Variants in FSTL5 observed in about 807,000 individuals in gnomAD.
The protein encoded by FSTL5 is follistatin like 5, also known as follistatin-related protein 5.
A neutral mutation model predicts 89.1 loss-of-function variants in FSTL5; 62 were observed. The observed-to-expected ratio is 0.70, with a 90% CI of 0.57 to 0.86. The LOEUF is 0.86. Ranked by LOEUF, FSTL5 falls within the 40% of genes least tolerant of loss-of-function variation. FSTL5 has a pLI of 0.00. For missense variants in FSTL5, 1,057 were observed against 1,001.6 expected (o/e 1.06, Z -0.75); for synonymous variants, 383 against 346.2 (o/e 1.11, Z -1.18).
At chr4:161,705,497 T>C (rs1175897433) in intron 6 of FSTL5, among the ~76,000 whole-genome samples, 1 of 152,100 alleles carries the variant, frequency 6.6e-6, no homozygotes. Context: ...GTGGCCTCAG[T>C]TCAAATTGGA....
chr4:161,901,523 G>A (rs974638013), intron 4 of FSTL5, among the ~76,000 whole-genome samples: 2 of 152,100 alleles, frequency 1.3e-5, no homozygotes, highest in Admixed American at 1.3e-4. Context: ...TTCGTTTTGG[G>A]TATTAAAATT....
chr4:161,938,152 A>G (rs1364120732), intron 3 of FSTL5, among the ~76,000 whole-genome samples: 2 of 152,080 alleles, frequency 1.3e-5, no homozygotes, highest in Admixed American at 1.3e-4. Context: ...TCTGCATAAC[A>G]CCTAAAAAAT....
At chr4:162,072,934 A>G (rs1492446) in intron 2 of FSTL5, among the ~76,000 whole-genome samples, 91,583 of 151,558 alleles carry the variant, frequency 0.6, 28,280 homozygotes, top group African/African-American at 0.73. Context: ...TCTCCTGCCT[A>G]ACTGCCTTTC....
At chr4:162,132,137 T>A (rs1018585004) in intron 1 of FSTL5, among the ~76,000 whole-genome samples, 2 of 152,220 alleles carry the variant, frequency 1.3e-5, no homozygotes, top group African/African-American at 2.4e-5. Context: ...CTATGCAGCA[T>A]TCTTAAAACA....
chr4:161,656,738 G>C (rs755658231), intron 6 of FSTL5, among the ~76,000 whole-genome samples: 13 of 152,154 alleles, frequency 8.5e-5, no homozygotes, highest in Non-Finnish European at 1.9e-4. Flanking sequence ...ATCAGAAGTA[G>C]AGTTATAATA....
chr4:161,857,400 T>C (rs2126886577), intron 4 of FSTL5, among the ~76,000 whole-genome samples: 1 of 152,328 alleles, frequency 6.6e-6, no homozygotes, highest in African/African-American at 2.4e-5. Flanking sequence ...TTGGAATTAT[T>C]TTTTTCTAAC....
chr4:161,927,340 T>A (rs971824211), intron 3 of FSTL5, among the ~76,000 whole-genome samples: 3 of 151,040 alleles, frequency 2.0e-5, no homozygotes, highest in Non-Finnish European at 4.4e-5. Context: ...AGCAGATAGA[T>A]ATTCTCAAAT....
chr4:161,752,563 T>C (rs1740433564), intron 6 of FSTL5, among the ~76,000 whole-genome samples: 1 of 152,194 alleles, frequency 6.6e-6, no homozygotes, highest in African/African-American at 2.4e-5. Flanking sequence ...AGTTCCTTTC[T>C]GCCAAATCTA....
chr4:162,107,055 T>C (rs948550530), intron 2 of FSTL5, among the ~76,000 whole-genome samples: 1 of 152,194 alleles, frequency 6.6e-6, no homozygotes, highest in Non-Finnish European at 1.5e-5. Flanking sequence ...ACTAGACACA[T>C]GGTCCTAACC....
chr4:162,115,136 G>T (rs1731586842), intron 1 of FSTL5, among the ~76,000 whole-genome samples: 1 of 152,044 alleles, frequency 6.6e-6, no homozygotes, highest in East Asian at 1.9e-4. Flanking sequence ...ACCAGAGAAA[G>T]AACAAAACCT....
chr4:161,723,178 T>C (rs1164404578), intron 6 of FSTL5, among the ~76,000 whole-genome samples: 1 of 152,206 alleles, frequency 6.6e-6, no homozygotes, highest in African/African-American at 2.4e-5. Flanking sequence ...TAAAGAGTTT[T>C]AGCTAAAAGT....
chr4:162,050,805 AAG>A (rs1336379908), intron 2 of FSTL5, among the ~76,000 whole-genome samples: 1 of 151,400 alleles, frequency 6.6e-6, no homozygotes, highest in African/African-American at 2.4e-5. Flanking sequence ...CTTTGATGGG[AAG>A]ATATAAATGT....
chr4:161,569,758 A>AC (rs1732938123), intron 8 of FSTL5, among the ~76,000 whole-genome samples: 3 of 134,338 alleles, frequency 2.2e-5, no homozygotes, highest in African/African-American at 8.8e-5. Flanking sequence ...CCAACACACA[A>AC]ACACACACAC....
chr4:162,131,559 A>T (rs1732302232), intron 1 of FSTL5, among the ~76,000 whole-genome samples: 1 of 152,226 alleles, frequency 6.6e-6, no homozygotes, highest in Non-Finnish European at 1.5e-5. Context: ...TAAACGATTC[A>T]ACTCTATTTA....
Position 161,903,232 on chromosome 4 carries a change from T to C in FSTL5, c.409+17172A>G, listed in dbSNP as rs762223550. On this transcript the variant is annotated intron_variant, in intron 4 of 15. Transcript: ENST00000306100. ...TCCTTATGTTATGTGCCAACTCTTT[T>C]AGCACATTTTAAAAGACACTATCGA... Among the ~76,000 whole-genome samples the C allele has an allele frequency of 4.8e-4, 73 of 152,252 alleles. 1 individual carries two copies. The highest frequency in any genetic ancestry group is 6.9e-4 in the Non-Finnish European group (47 of 68,016).
intron 4 of FSTL5, among the ~76,000 whole-genome samples, chr4:161,857,270 A>G (rs149818798): frequency 6.6e-6 from 1 of 152,310 alleles, no homozygotes; most frequent in Non-Finnish European, 1.5e-5. Flanking sequence ...ACATATTTTA[A>G]AGGTGTTGAC....
At chr4:162,018,756 C>T (rs1292620133) in intron 3 of FSTL5, among the ~76,000 whole-genome samples, 1 of 152,038 alleles carries the variant, frequency 6.6e-6, no homozygotes, top group African/African-American at 2.4e-5. Context: ...TCAGTTCCTG[C>T]TCTTCTGGGA....
In FSTL5 at chr4:162,015,151, A is replaced by G. The variant is rs146643821; in HGVS notation, c.160+18474T>C. On this transcript the variant is annotated intron_variant, in intron 3 of 15. Coordinates refer to ENST00000306100, the MANE Select transcript of FSTL5 (RefSeq NM_020116.5). The stretch of plus-strand genomic sequence containing the variant: ...ACTTACAGATATGAACAAGTGTACC[A>G]CAGTAAGGCAGTATAATGAGTTACT... Among the ~76,000 whole-genome samples the G allele has an allele frequency of 4.6e-5, 7 of 152,336 alleles. No homozygotes were observed. In the East Asian group the frequency reaches 1.4e-3, roughly 29 times the overall value.
chr4:162,126,998 G>T (rs563522805), intron 1 of FSTL5, among the ~76,000 whole-genome samples: 3 of 152,100 alleles, frequency 2.0e-5, no homozygotes, highest in African/African-American at 7.2e-5. Flanking sequence ...GACTGTCGTG[G>T]TTTTTTTAAG....
Sources: gnomAD v4.1 joint callset for allele counts (sites outside exome capture counted in the v4.1 genomes callset) on GRCh38, gnomAD v4.1.1 for gene constraint, MANE v1.5 for transcripts, NCBI Gene and HGNC (gene_info 2026-07-23, HGNC 2026-07-21) for gene names.